Variants in TNIK observed in about 807,000 individuals in gnomAD.
The protein encoded by TNIK is TRAF2 and NCK interacting kinase, also known as TRAF2 and NCK-interacting protein kinase.
Under a neutral mutation model 191.3 loss-of-function variants are expected in TNIK, and 49 were observed. That is an observed-to-expected ratio of 0.26 (90% CI 0.20 to 0.32). TNIK has a LOEUF of 0.32. TNIK is among the 10% of genes least tolerant of loss of function. The pLI is 1.00. For synonymous variants in TNIK, 594 were observed against 600.9 expected (o/e 0.99, Z 0.17); for missense variants, 1,155 against 1,702.3 (o/e 0.68, Z 5.66).
At position 171,300,555 on chromosome 3, in the gene TNIK, G is replaced by A. The variant is rs1483472936; in HGVS notation, c.123+69065C>T. On this transcript the variant is annotated intron_variant, in intron 2 of 32. Transcript: ENST00000436636. Reference sequence around the variant, plus strand: ...AATTGTGAGTGAAAAAAAAATCTGTGCTTTCAATATAAATGATGGTGACAG... The same window carrying A: ...AATTGTGAGTGAAAAAAAAATCTGTACTTTCAATATAAATGATGGTGACAG... Among the ~76,000 whole-genome samples, 4 of 152,074 alleles carry A rather than the reference G, an allele frequency of 2.6e-5. No individual in the cohort carries two copies. In the East Asian group the frequency reaches 5.8e-4, roughly 22 times the overall value.
intron 1 of TNIK, among the ~76,000 whole-genome samples, chr3:171,422,778 GGAGTTCTCATTAGT>G (rs966298378): frequency 5.9e-5 from 9 of 152,230 alleles, no homozygotes; most frequent in South Asian, 4.1e-4. Flanking sequence ...TTGATACAAA[GGAGTTCTCATTAGT>G]GAGTTCTCAT....
At chr3:171,390,186 T>G (rs1347352910) in intron 1 of TNIK, among the ~76,000 whole-genome samples, 2 of 152,094 alleles carry the variant, frequency 1.3e-5, no homozygotes, top group Non-Finnish European at 2.9e-5. Context: ...GCCTAGTGAG[T>G]GAGGTGCCTC....
chr3:171,129,580 T>C (rs936217682), intron 15 of TNIK, among the ~76,000 whole-genome samples: 3 of 152,190 alleles, frequency 2.0e-5, no homozygotes, highest in Admixed American at 2.0e-4. Context: ...CCTCCCTGTT[T>C]CTACACATGT....
chr3:171,407,463 G>T (rs1048919093), intron 1 of TNIK, among the ~76,000 whole-genome samples: 2 of 152,094 alleles, frequency 1.3e-5, no homozygotes, highest in Non-Finnish European at 2.9e-5. Flanking sequence ...AGGACAGTTG[G>T]TTACCACTAT....
In TNIK at chr3:171,382,306, C is replaced by T. The variant is rs532821498; in HGVS notation, c.58-12621G>A. 5.3e-5 allele frequency among the ~76,000 whole-genome samples: 8 copies of T among 150,656 alleles called. 1 individual carries two copies. Among genetic ancestry groups the T allele is most frequent in the African/African-American group, 1.2e-4 (5 of 40,886 alleles). Reference sequence around the variant, plus strand: ...CATGATCTCAGCTCACTGCAACCTCCGTCTCCCGGGCTCAAGCAATTCTTC... The same window carrying T: ...CATGATCTCAGCTCACTGCAACCTCTGTCTCCCGGGCTCAAGCAATTCTTC... On this transcript the variant is annotated intron_variant, in intron 1 of 32. Coordinates refer to ENST00000436636, the MANE Select transcript of TNIK (RefSeq NM_015028.4).
chr3:171,235,768 TG>T (rs11325665), intron 2 of TNIK, among the ~76,000 whole-genome samples: 54,944 of 146,088 alleles, frequency 0.38, 10,573 homozygotes, highest in South Asian at 0.48. Flanking sequence ...TTTGTTTTGG[TG>T]GGGGGGGGGT....
chr3:171,369,734 A>G (rs551169462), intron 1 of TNIK, 49 bp from the exon 2 acceptor site: 1 of 1,455,760 alleles, frequency 6.9e-7, no homozygotes, highest in Non-Finnish European at 9.4e-7. Context: ...TATTCCAGGC[A>G]TTGCCTTAAT....
chr3:171,455,475 AAGCAGTCCTCCCACTTCGGCC>A (rs141904986), intron 1 of TNIK, among the ~76,000 whole-genome samples: 8,319 of 151,662 alleles, frequency 0.055, 419 homozygotes, highest in African/African-American at 0.12. Context: ...TCCTGGTTTC[AAGCAGTCCTCCCACTTCGGCC>A]TCCCGAAGTG....
At chr3:171,243,137 T>C (rs944762196) in intron 2 of TNIK, among the ~76,000 whole-genome samples, 1 of 152,306 alleles carries the variant, frequency 6.6e-6, no homozygotes, top group East Asian at 1.9e-4. Context: ...CTTCCAGAAC[T>C]GAAATGCAAA....
At chr3:171,138,525 A>T in intron 14 of TNIK, 146 bp from the exon 15 acceptor site, 1 of 734,186 alleles carries the variant, frequency 1.4e-6, no homozygotes. Flanking sequence ...GAAGGATGTC[A>T]GGATGTGCCA....
intron 2 of TNIK, among the ~76,000 whole-genome samples, chr3:171,282,716 G>A (rs1037289070): frequency 3.3e-5 from 5 of 152,172 alleles, no homozygotes; most frequent in Non-Finnish European, 7.3e-5. Flanking sequence ...TATCTAAGCA[G>A]TTACACTGAA....
At chr3:171,363,553 T>C (rs764157789) in intron 2 of TNIK, among the ~76,000 whole-genome samples, 2 of 152,224 alleles carry the variant, frequency 1.3e-5, no homozygotes, top group African/African-American at 2.4e-5. Flanking sequence ...CATTCTCCCA[T>C]ACTCACTCCT....
intron 2 of TNIK, among the ~76,000 whole-genome samples, chr3:171,280,450 G>A (rs1673989721): frequency 6.6e-6 from 1 of 152,128 alleles, no homozygotes; most frequent in African/African-American, 2.4e-5. Flanking sequence ...TCTGTGAAGT[G>A]GAGACAATAT....
chr3:171,173,810 A>G (rs1735632955), intron 9 of TNIK, among the ~76,000 whole-genome samples: 1 of 152,122 alleles, frequency 6.6e-6, no homozygotes. Context: ...CACCAGACTC[A>G]GCTCAGATAT....
At chr3:171,426,695 C>G (rs1724676596) in intron 1 of TNIK, among the ~76,000 whole-genome samples, 1 of 152,124 alleles carries the variant, frequency 6.6e-6, no homozygotes, top group African/African-American at 2.4e-5. Context: ...CAGGGCTTCT[C>G]CACTCCTGGG....
intron 28 of TNIK, among the ~76,000 whole-genome samples, chr3:171,074,164 A>G (rs1007670269): frequency 1.3e-5 from 2 of 152,120 alleles, no homozygotes; most frequent in Non-Finnish European, 2.9e-5. Flanking sequence ...GTATATATAC[A>G]GCATGGAATA....
At chr3:171,349,596 C>T (rs1295720438) in intron 2 of TNIK, among the ~76,000 whole-genome samples, 2 of 152,302 alleles carry the variant, frequency 1.3e-5, no homozygotes, top group African/African-American at 2.4e-5. Context: ...TTTATTCTAG[C>T]TCAACACAAA....
At chr3:171,289,901 CAAAAAAAAAAA>C (rs143704401) in intron 2 of TNIK, among the ~76,000 whole-genome samples, 1 of 77,856 alleles carries the variant, frequency 1.3e-5, no homozygotes, top group African/African-American at 4.1e-5. Flanking sequence ...GACTCCGTCT[CAAAAAAAAAAA>C]AAAAAAAAAA....
chr3:171,235,779 T>G (rs867288782), intron 2 of TNIK, among the ~76,000 whole-genome samples: 17 of 142,476 alleles, frequency 1.2e-4, no homozygotes, highest in Middle Eastern at 3.6e-3. Context: ...GGGGGGGGGG[T>G]TTATAGAGTG....
Sources: gnomAD v4.1 joint callset for allele counts (sites outside exome capture counted in the v4.1 genomes callset) on GRCh38, gnomAD v4.1.1 for gene constraint, MANE v1.5 for transcripts, NCBI Gene and HGNC (gene_info 2026-07-23, HGNC 2026-07-21) for gene names.